The following GLUD1 variants were observed in gnomAD, a reference collection of about 807,000 sequenced individuals.
GLUD1 encodes the protein glutamate dehydrogenase 1, mitochondrial.
A neutral mutation model predicts 56.0 loss-of-function variants in GLUD1; 22 were observed. That is an observed-to-expected ratio of 0.39 (90% confidence interval 0.28 to 0.56). GLUD1 has a LOEUF of 0.56. GLUD1 is among the 20% of genes least tolerant of loss of function. GLUD1 has a pLI of 0.58. For synonymous variants in GLUD1, 223 were observed against 269.9 expected (o/e 0.83, Z 1.70); for missense variants, 451 against 732.0 (o/e 0.62, Z 4.43).
At chr10:87,086,595 G>A (rs577538080) in intron 1 of GLUD1, among the ~76,000 whole-genome samples, 8 of 151,912 alleles carry the variant, frequency 5.3e-5, no homozygotes, top group Admixed American at 3.3e-4. Flanking sequence ...AGGCCGAGGC[G>A]GGCGGATCAT....
intron 11 of GLUD1, among the ~76,000 whole-genome samples, chr10:87,054,693 A>G (rs1313720460): frequency 2.0e-5 from 3 of 152,208 alleles, no homozygotes. Context: ...ACAAATGGCA[A>G]TACTGGAAGG....
At chr10:87,065,521 G>A (rs1024561689) in intron 5 of GLUD1, among the ~76,000 whole-genome samples, 5 of 152,036 alleles carry the variant, frequency 3.3e-5, no homozygotes, top group African/African-American at 7.2e-5. Context: ...TGTGAAGCAC[G>A]GCCCCTTGAA....
chr10:87,080,401 C>T (rs985982002), intron 1 of GLUD1, among the ~76,000 whole-genome samples: 1 of 151,452 alleles, frequency 6.6e-6, no homozygotes, highest in African/African-American at 2.4e-5. Flanking sequence ...GGCCGCCCAT[C>T]GTCTGAGATG....
intron 1 of GLUD1, among the ~76,000 whole-genome samples, chr10:87,083,867 G>A (rs1039574138): frequency 6.6e-6 from 1 of 152,016 alleles, no homozygotes; most frequent in African/African-American, 2.4e-5. Flanking sequence ...AACTCTGTTA[G>A]ACTCCATTGA....
intron 5 of GLUD1, among the ~76,000 whole-genome samples, chr10:87,063,680 ATACT>A (rs1378692143): frequency 6.7e-6 from 1 of 148,910 alleles, no homozygotes; most frequent in Non-Finnish European, 1.5e-5. Context: ...ATATAACTTG[ATACT>A]TAATATAACA....
chr10:87,086,094 T>C (rs554589303), intron 1 of GLUD1, among the ~76,000 whole-genome samples: 6 of 152,180 alleles, frequency 3.9e-5, no homozygotes, highest in East Asian at 1.9e-4. Flanking sequence ...TAATTTGAGA[T>C]GGGTCTTAAG....
chr10:87,072,405 G>A (rs765745223), intron 4 of GLUD1, among the ~76,000 whole-genome samples: 1 of 152,146 alleles, frequency 6.6e-6, no homozygotes, highest in Non-Finnish European at 1.5e-5. Flanking sequence ...ACAGGATCAG[G>A]GTTCAGGCTC....
rs1244963792 is a variant in GLUD1 at position 87,067,916 on chromosome 10, A to T, written c.741+147T>A. 11 of 665,112 alleles carry T rather than the reference A, an allele frequency of 1.7e-5. No individual in the cohort carries two copies. The East Asian group carries it at 3.2e-4, about 19-fold the overall frequency. The allele number at this position is 665,112 out of a possible 1,614,324, so 41.2% of individuals were successfully genotyped here. Reference sequence around the variant, plus strand: ...TGTTCATTACGATTTAAGAATAGACAAGTAGACATAAAATAATATGCACAT... The same window carrying T: ...TGTTCATTACGATTTAAGAATAGACTAGTAGACATAAAATAATATGCACAT... On this transcript the variant is annotated intron_variant, in intron 5 of 12. Transcript: ENST00000277865.
chr10:87,052,227 C>G (rs1480030595), intron 12 of GLUD1, among the ~76,000 whole-genome samples: 1 of 152,136 alleles, frequency 6.6e-6, no homozygotes, highest in East Asian at 1.9e-4. Context: ...TTGCTCACAC[C>G]TGTAATCCCA....
intron 5 of GLUD1, among the ~76,000 whole-genome samples, chr10:87,063,488 C>T (rs535138931): frequency 2.0e-5 from 3 of 152,304 alleles, no homozygotes; most frequent in Non-Finnish European, 4.4e-5. Context: ...ATTCCTTCAA[C>T]AAGTATTTAA....
chr10:87,094,223 G>C lies in GLUD1; in HGVS notation c.445+102C>G, dbSNP rs1179645653. The C allele has an allele frequency of 6.9e-7, 1 of 1,445,060 alleles. No individual in the cohort carries two copies. Among genetic ancestry groups the C allele is most frequent in the Non-Finnish European group, 9.3e-7 (1 of 1,073,722 alleles). The allele number at this position is 1,445,060 out of a possible 1,614,324, so 89.5% of individuals were successfully genotyped here. A position where few individuals can be genotyped will look rare whatever the true frequency, so the allele number is the denominator to read the frequency against. On this transcript the variant is annotated intron_variant, in intron 1 of 12. Transcript: ENST00000277865. The surrounding 1 kb of genome is among the most constrained non-coding windows in gnomAD (Gnocchi z 6.6). ...GGCGGGGACCCGGCCCGCTCCAGCT[G>C]GGCTGGGCTGGGCTGAGCAGCGGCC... is the stretch of plus-strand genomic sequence containing the variant.
intron 4 of GLUD1, among the ~76,000 whole-genome samples, chr10:87,070,877 C>T (rs747563685): frequency 6.6e-6 from 1 of 151,972 alleles, no homozygotes; most frequent in Non-Finnish European, 1.5e-5. Context: ...TGCCTGTAAT[C>T]CTAGCACTTT....
chr10:87,079,578 C>G (rs2133834870), intron 1 of GLUD1, among the ~76,000 whole-genome samples: 1 of 152,266 alleles, frequency 6.6e-6, no homozygotes, highest in East Asian at 1.9e-4. Context: ...GCGCTGTGCC[C>G]AGGCGACCCA....
intron 1 of GLUD1, among the ~76,000 whole-genome samples, chr10:87,077,456 C>T (rs1846430164): frequency 6.6e-6 from 1 of 151,896 alleles, no homozygotes; most frequent in Non-Finnish European, 1.5e-5. Context: ...CACTGCCAAC[C>T]TCTTTCAATC....
intron 1 of GLUD1, among the ~76,000 whole-genome samples, chr10:87,081,252 C>G (rs1200791034): frequency 2.0e-5 from 3 of 148,868 alleles, no homozygotes; most frequent in East Asian, 2.0e-4. Flanking sequence ...GGGGGCGCCT[C>G]TGCCTGGCTG....
In GLUD1 at chr10:87,068,090, A is replaced by G; in HGVS notation, c.714T>C (p.Asp238=). 1 of 1,612,186 alleles carries G rather than the reference A, an allele frequency of 6.2e-7. No homozygotes were observed. The highest frequency in any genetic ancestry group is 2.2e-5 in the East Asian group (1 of 44,878). ...TGEREMSWIA[D]TYASTIGHYD... is the part of the protein sequence containing the mutation. The stretch of plus-strand genomic sequence containing the variant: ...AGTGCCCTATGGTGCTGGCATAGGT[A>G]TCAGCGATCCAGGACATCTCCCGCT... The change falls in exon 5 of 13, where the codon GAT becomes GAC. Residue 238 remains aspartate (D), a synonymous_variant. Coordinates refer to ENST00000277865, the MANE Select transcript of GLUD1 (RefSeq NM_005271.5).
chr10:87,050,954 A>G lies in GLUD1; in HGVS notation c.*797T>C, dbSNP rs981197481. The stretch of plus-strand genomic sequence containing the variant: ...TTTGGACTGTATCATAATTATAGTA[A>G]GCAAATTCTGACAGTTTTAATGAAA... On this transcript the variant is annotated 3_prime_UTR_variant, in exon 13 of 13. Coordinates refer to ENST00000277865, the MANE Select transcript of GLUD1 (RefSeq NM_005271.5). The G allele has an allele frequency of 6.6e-6, 1 of 152,544 alleles. No individual in the cohort carries two copies. The highest frequency in any genetic ancestry group is 2.4e-5 in the African/African-American group (1 of 41,460). 9.4% of individuals were successfully genotyped at this position (152,544 alleles called of 1,614,324 possible).
In GLUD1 at chr10:87,084,686, C is replaced by G. The variant is rs147311506; in HGVS notation, c.446-8030G>C. Among the ~76,000 whole-genome samples, 32 of 152,266 alleles carry G rather than the reference C, an allele frequency of 2.1e-4. 1 individual carries two copies. The highest frequency in any genetic ancestry group is 6.5e-4 in the African/African-American group (27 of 41,552). On this transcript the variant is annotated intron_variant, in intron 1 of 12. Transcript: ENST00000277865. ...TCTTAATAGGGTTTGATTTATTCAT[C>G]AGAAATCTAATTTCCAGCTGCACTC...
At chr10:87,080,065 G>A (rs1248084964) in intron 1 of GLUD1, among the ~76,000 whole-genome samples, 2 of 151,800 alleles carry the variant, frequency 1.3e-5, no homozygotes, top group African/African-American at 4.8e-5. Context: ...AGCCTGCCGA[G>A]TGCCTGCGAT....
Sources: gnomAD v4.1 joint callset for allele counts (sites outside exome capture counted in the v4.1 genomes callset) on GRCh38, gnomAD v4.1.1 for gene constraint, Gnocchi (gnomAD v3.1) non-coding constraint, MANE v1.5 for transcripts, NCBI Gene and HGNC (gene_info 2026-07-23, HGNC 2026-07-21) for gene names.